FGF13: variants seen among roughly 807,000 people sequenced by gnomAD.
The protein encoded by FGF13 is fibroblast growth factor homologous factor 2.
In FGF13, 2 loss-of-function variants were observed where a neutral mutation model predicts 19.5. The ratio of observed to expected loss-of-function variants is 0.10; its 90% CI spans 0.04 to 0.32. The LOEUF is 0.32. FGF13 is among the 10% of genes least tolerant of loss of function. The pLI is 1.00. For synonymous variants in FGF13, 72 were observed against 76.9 expected (o/e 0.94, Z 0.33); for missense variants, 113 against 192.7 (o/e 0.59, Z 2.45).
intron 3 of FGF13, among the ~76,000 whole-genome samples, chrX:138,686,899 T>C (rs1425823978): frequency 8.9e-6 from 1 of 111,962 alleles, no homozygotes; most frequent in African/African-American, 3.2e-5. Flanking sequence ...GTTAAAGCAA[T>C]GTAAGAATCC....
chrX:139,006,642 G>A (rs187756701), intron 1 of FGF13, among the ~76,000 whole-genome samples: 1 of 111,499 alleles, frequency 9.0e-6, no homozygotes, highest in African/African-American at 3.3e-5. Flanking sequence ...CCAAGACATA[G>A]ACATTACAAT....
At chrX:138,732,792 G>C (rs2124292024) in intron 1 of FGF13, among the ~76,000 whole-genome samples, 1 of 111,232 alleles carries the variant, frequency 9.0e-6, no homozygotes, top group African/African-American at 3.3e-5. Flanking sequence ...GCTTGTGTAT[G>C]GATGGGCGAG....
chrX:138,833,205 A>G (rs1315998105), intron 3 of FGF13, among the ~76,000 whole-genome samples: 2 of 111,892 alleles, frequency 1.8e-5, no homozygotes, highest in African/African-American at 3.2e-5. Context: ...AATAATGTCA[A>G]TGGTAGTTTA....
chrX:138,819,527 G>C (rs2090984527), intron 3 of FGF13, among the ~76,000 whole-genome samples: 1 of 111,412 alleles, frequency 9.0e-6, no homozygotes, highest in East Asian at 2.8e-4. Context: ...GTATGCTCTT[G>C]TTCTTCAAGT....
chrX:138,860,138 T>C (rs1426701877), intron 2 of FGF13, among the ~76,000 whole-genome samples: 1 of 112,060 alleles, frequency 8.9e-6, no homozygotes, highest in Non-Finnish European at 1.9e-5. Context: ...AGTGGCACTG[T>C]ATAGGCAACA....
At chrX:138,733,874 T>C (rs762309512) in intron 1 of FGF13, among the ~76,000 whole-genome samples, 2 of 110,377 alleles carry the variant, frequency 1.8e-5, no homozygotes, top group East Asian at 5.8e-4. Flanking sequence ...TGAAATAGTA[T>C]GGACAGGAAA....
At chrX:138,659,121 A>G (rs2089464656) in intron 3 of FGF13, among the ~76,000 whole-genome samples, 1 of 111,898 alleles carries the variant, frequency 8.9e-6, no homozygotes, top group Non-Finnish European at 1.9e-5. Flanking sequence ...GATCTGAACC[A>G]TCACATTAAT....
At chrX:138,920,952 G>C in intron 1 of FGF13, among the ~76,000 whole-genome samples, 1 of 111,677 alleles carries the variant, frequency 9.0e-6, no homozygotes, top group Admixed American at 9.5e-5. Context: ...TTTAGGTTTA[G>C]CTGACCACTA....
intron 1 of FGF13, among the ~76,000 whole-genome samples, chrX:138,870,213 A>G (rs1283308558): frequency 1.8e-5 from 2 of 112,163 alleles, no homozygotes; most frequent in East Asian, 5.6e-4. Flanking sequence ...TTGAGCTCTA[A>G]GCTGCATTTG....
chrX:138,845,386 G>C lies in FGF13; in HGVS notation c.217+12126C>G, dbSNP rs1347834897. Among the ~76,000 whole-genome samples the C allele has an allele frequency of 4.5e-5, 5 of 111,762 alleles. No homozygotes were observed. In the Admixed American group the frequency reaches 4.8e-4, roughly 11 times the overall value. On this transcript the variant is annotated intron_variant, in intron 3 of 6. Coordinates refer to the FGF13 transcript ENST00000436198. ...GGTGATGAGAAGCACTCAGTCATTT[G>C]CCACCTGGAATTAGAGCAAATGGCC...
chrX:138,891,529 T>C (rs1283856981), intron 1 of FGF13, among the ~76,000 whole-genome samples: 1 of 111,334 alleles, frequency 9.0e-6, no homozygotes, highest in African/African-American at 3.3e-5. Flanking sequence ...AGGCCCCACC[T>C]CCTAACACCT....
chrX:138,713,083 T>C (rs1262071405), upstream of FGF13, among the ~76,000 whole-genome samples: 4 of 112,360 alleles, frequency 3.6e-5, no homozygotes, highest in African/African-American at 1.3e-4. Flanking sequence ...GGGGTAAAGG[T>C]TGCAGTGGGT....
intron 1 of FGF13, among the ~76,000 whole-genome samples, chrX:139,073,288 G>A (rs1318260539): frequency 3.6e-5 from 4 of 110,342 alleles, no homozygotes; most frequent in Non-Finnish European, 5.7e-5. Context: ...ATCAGATAGA[G>A]CAGGGAATGA....
At chrX:139,006,307 T>A (rs1203188943) in intron 1 of FGF13, among the ~76,000 whole-genome samples, 1 of 111,479 alleles carries the variant, frequency 9.0e-6, no homozygotes, top group African/African-American at 3.3e-5. Context: ...AAACAAACCT[T>A]TACCCCAGAG....
At chrX:138,677,031 G>A (rs987780099) in intron 3 of FGF13, among the ~76,000 whole-genome samples, 2 of 112,290 alleles carry the variant, frequency 1.8e-5, no homozygotes, top group African/African-American at 3.2e-5. Context: ...AATATGATTC[G>A]TATTTCAAAC....
Position 139,111,927 on chromosome X carries a change from C to A in FGF13, c.-113+91489G>T, listed in dbSNP as rs147588021. ...CTGGATGAACAACCTCCTCCCCCAGCCTGGGCTGTTTCTATGTGGAAAAAT... is the reference window on the plus strand; with the variant it reads ...CTGGATGAACAACCTCCTCCCCCAGACTGGGCTGTTTCTATGTGGAAAAAT... On this transcript the variant is annotated intron_variant, in intron 1 of 2. Coordinates refer to the FGF13 transcript ENST00000421460. Among the ~76,000 whole-genome samples the A allele has an allele frequency of 6.8e-3, 760 of 111,843 alleles. 3 individuals are homozygous for A. Among genetic ancestry groups the A allele is most frequent in the Non-Finnish European group, 0.011 (565 of 53,167 alleles).
intron 1 of FGF13, among the ~76,000 whole-genome samples, chrX:139,120,218 T>C (rs1355956577): frequency 1.8e-5 from 2 of 112,505 alleles, no homozygotes; most frequent in East Asian, 5.6e-4. Context: ...CTTTCCTTTG[T>C]AAATTACCCA....
At chrX:138,894,244 G>T (rs1206254086) in intron 1 of FGF13, among the ~76,000 whole-genome samples, 2 of 110,435 alleles carry the variant, frequency 1.8e-5, no homozygotes, top group Non-Finnish European at 3.8e-5. Context: ...ACAATGGAAA[G>T]AACTAGAGAA....
At chrX:139,137,337 G>C (rs1177924345) in intron 1 of FGF13, among the ~76,000 whole-genome samples, 1 of 112,192 alleles carries the variant, frequency 8.9e-6, no homozygotes, top group Non-Finnish European at 1.9e-5. Context: ...ACACAAACAA[G>C]CAACTGAACT....
Sources: gnomAD v4.1 joint callset for allele counts (sites outside exome capture counted in the v4.1 genomes callset) on GRCh38, gnomAD v4.1.1 for gene constraint, MANE v1.5 for transcripts, NCBI Gene and HGNC (gene_info 2026-07-23, HGNC 2026-07-21) for gene names.